Variants in EHMT1 observed in about 807,000 individuals in gnomAD.
EHMT1 encodes the protein histone-lysine N-methyltransferase EHMT1.
EHMT1 carries 15 observed loss-of-function variants against 147.2 expected under a neutral mutation model. The observed-to-expected ratio is 0.10, with a 90% CI of 0.07 to 0.16. The LOEUF (loss-of-function observed/expected upper bound fraction) is 0.16, where lower values mean the gene tolerates loss of function less well. Ranked by LOEUF, EHMT1 falls within the 10% of genes least tolerant of loss-of-function variation. EHMT1 has a pLI of 1.00. For synonymous variants in EHMT1, 795 were observed against 709.6 expected (o/e 1.12, Z -1.91); for missense variants, 1,587 against 1,772.4 (o/e 0.90, Z 1.88).
chr9:137,811,624 A>C lies in EHMT1; in HGVS notation c.2867+9A>C. ...CGCTACGACTGTGTCGTGTGAGTGC[A>C]GTGCTTCCCCCAGCGCGGGCTGGCG... On this transcript the variant is annotated intron_variant, in intron 19 of 26. Coordinates refer to ENST00000460843, the MANE Select transcript of EHMT1 (RefSeq NM_024757.5). 6.2e-7 allele frequency: 1 copy of C among 1,600,162 alleles called. No homozygotes were observed. Among genetic ancestry groups the C allele is most frequent in the Non-Finnish European group, 8.5e-7 (1 of 1,179,922 alleles).
intron 1 of EHMT1, among the ~76,000 whole-genome samples, chr9:137,710,596 G>A (rs1221311916): frequency 1.3e-5 from 2 of 152,102 alleles, no homozygotes; most frequent in Non-Finnish European, 2.9e-5. Flanking sequence ...TTTTTTGTAG[G>A]AGGTTGGACA....
rs529668363 is a variant in EHMT1, at chr9:137,680,239, C to T, written c.22-30728C>T. Among the ~76,000 whole-genome samples the T allele has an allele frequency of 3.9e-5, 6 of 152,220 alleles. No homozygotes were observed. In the East Asian group the frequency reaches 9.6e-4, roughly 24 times the overall value. The stretch of plus-strand genomic sequence containing the variant: ...CCATAATCCCAGCACTCTGGGAGGC[C>T]GAGGCGAGTGGATCACTTGAGGCCA... On this transcript the variant is annotated intron_variant, in intron 1 of 26. Transcript: ENST00000460843.
At chr9:137,703,577 C>T (rs114507532) in intron 1 of EHMT1, among the ~76,000 whole-genome samples, 2,201 of 152,258 alleles carry the variant, frequency 0.014, 44 homozygotes, top group African/African-American at 0.05. Context: ...GACACAGTGC[C>T]GCCTGTCTCT....
intron 25 of EHMT1, among the ~76,000 whole-genome samples, chr9:137,824,549 G>A (rs1564830759): frequency 1.3e-5 from 2 of 152,084 alleles, no homozygotes; most frequent in Non-Finnish European, 2.9e-5. Context: ...GGCCAAGGCT[G>A]CTGGAATTTT....
At chr9:137,743,043 G>C in intron 4 of EHMT1, 1 of 367,716 alleles carries the variant, frequency 2.7e-6, no homozygotes, top group Non-Finnish European at 5.2e-6. Flanking sequence ...AGGGGACTGG[G>C]AGGAGGAGTC....
At chr9:137,831,066 G>A (rs1009970066) in intron 25 of EHMT1, among the ~76,000 whole-genome samples, 13 of 152,142 alleles carry the variant, frequency 8.5e-5, no homozygotes, top group African/African-American at 3.1e-4. Flanking sequence ...CCACGTGGTG[G>A]AGGGGGTGCA....
intron 1 of EHMT1, among the ~76,000 whole-genome samples, chr9:137,678,121 G>A (rs1278077452): frequency 6.6e-6 from 1 of 152,068 alleles, no homozygotes; most frequent in East Asian, 1.9e-4. Context: ...AGGTTTAGTG[G>A]AAAAATAGAT....
At chr9:137,636,989 C>T (rs1465014266) in intron 1 of EHMT1, among the ~76,000 whole-genome samples, 2 of 150,886 alleles carry the variant, frequency 1.3e-5, no homozygotes, top group Non-Finnish European at 2.9e-5. Flanking sequence ...GCTCTGCCTC[C>T]TGGGTTCACG....
intron 6 of EHMT1, among the ~76,000 whole-genome samples, chr9:137,744,434 C>G (rs1013552691): frequency 3.9e-5 from 6 of 152,076 alleles, no homozygotes; most frequent in Admixed American, 1.3e-4. Flanking sequence ...TCCTCCCATC[C>G]CAGCCCCCCG....
In EHMT1 at chr9:137,716,677, C is replaced by G. The variant is rs1457302763; in HGVS notation, c.137C>G (p.Ala46Gly). 4 of 1,602,044 alleles carry G rather than the reference C, an allele frequency of 2.5e-6. No individual in the cohort carries two copies. In the East Asian group the frequency reaches 9.0e-5, roughly 36 times the overall value. ...EGSAEKQAGE[A>G]HMAADGETNG... is the part of the protein sequence containing the mutation. ...TCAGCAGAGAAACAGGCAGGAGAGGCCCACATGGCTGCGGACGGTGAGACC... is the reference window on the plus strand; with the variant it reads ...TCAGCAGAGAAACAGGCAGGAGAGGGCCACATGGCTGCGGACGGTGAGACC... Residue 46 changes from alanine to glycine, a missense_variant, in exon 3 of 27, where the codon GCC (alanine) becomes GGC (glycine). By Grantham distance (60) the Ala-to-Gly change is moderately conservative (BLOSUM62 0). Around this residue, in one of 7 missense-constraint regions of EHMT1, gnomAD observed 810 missense variants for 673.0 expected, o/e 1.20. Transcript: ENST00000460843.
At chr9:137,653,654 G>A (rs995254845) in intron 1 of EHMT1, among the ~76,000 whole-genome samples, 3 of 151,924 alleles carry the variant, frequency 2.0e-5, no homozygotes, top group South Asian at 2.1e-4. Flanking sequence ...TCAGCCTCCC[G>A]AGTAGCTGGG....
chr9:137,793,553 A>C (rs534944991), intron 16 of EHMT1, among the ~76,000 whole-genome samples: 1 of 152,272 alleles, frequency 6.6e-6, no homozygotes, highest in Non-Finnish European at 1.5e-5. Context: ...TGTATGCCAC[A>C]GGCATGCAAA....
At chr9:137,682,872 C>T (rs1388825296) in intron 1 of EHMT1, among the ~76,000 whole-genome samples, 6 of 152,196 alleles carry the variant, frequency 3.9e-5, no homozygotes, top group Non-Finnish European at 8.8e-5. Context: ...TGGGTCACTC[C>T]AGCCCAGCTG....
intron 1 of EHMT1, among the ~76,000 whole-genome samples, chr9:137,709,243 G>T (rs1033770305): frequency 6.6e-6 from 1 of 152,134 alleles, no homozygotes; most frequent in Non-Finnish European, 1.5e-5. Flanking sequence ...TTGGGGGGTA[G>T]GTGTGAAGGG....
intron 25 of EHMT1, chr9:137,832,900 CT>C (rs1199281220): frequency 6.6e-6 from 1 of 152,258 alleles, no homozygotes; most frequent in African/African-American, 2.4e-5. Flanking sequence ...CCTATAGATT[CT>C]TAGTCCATCA....
intron 10 of EHMT1, among the ~76,000 whole-genome samples, chr9:137,767,763 A>G (rs1950307397): frequency 6.6e-6 from 1 of 152,170 alleles, no homozygotes; most frequent in Non-Finnish European, 1.5e-5. Flanking sequence ...CAGCGTGCCA[A>G]GATCTCACTA....
chr9:137,634,109 G>A (rs2501570), intron 1 of EHMT1, among the ~76,000 whole-genome samples: 28,660 of 151,978 alleles, frequency 0.19, 3,055 homozygotes, highest in Admixed American at 0.31. Context: ...CACTGTGCCC[G>A]GCCTAATTTT....
chr9:137,781,149 G>A lies in EHMT1; in HGVS notation c.2276-1142G>A, dbSNP rs1361913629. Among the ~76,000 whole-genome samples the A allele has an allele frequency of 6.2e-5, 4 of 64,710 alleles. 2 individuals are homozygous for A. In the African/African-American group the frequency reaches 7.6e-4, roughly 12 times the overall value. 42.5% of individuals were successfully genotyped at this position (64,710 alleles called of 152,430 possible). ...GATGACGGCATCACTGAGACGTGTG[G>A]TGATGACGCTGAGACGTGTGGTGAT... On this transcript the variant is annotated intron_variant, in intron 14 of 26. Coordinates refer to ENST00000460843, the MANE Select transcript of EHMT1 (RefSeq NM_024757.5).
At chr9:137,733,948 T>TA (rs531046264) in intron 4 of EHMT1, among the ~76,000 whole-genome samples, 73 of 152,148 alleles carry the variant, frequency 4.8e-4, no homozygotes, top group African/African-American at 1.6e-3. Flanking sequence ...CCTACAACTA[T>TA]AAAAAATGAC....
Sources: gnomAD v4.1 joint callset for allele counts (sites outside exome capture counted in the v4.1 genomes callset) on GRCh38, gnomAD v4.1.1 for gene constraint, gnomAD v4.1.1 regional missense constraint, MANE v1.5 for transcripts, NCBI Gene and HGNC (gene_info 2026-07-23, HGNC 2026-07-21) for gene names.